Variants in CFAP299 observed in about 807,000 individuals in gnomAD.
CFAP299 encodes cilia- and flagella-associated protein 299.
CFAP299 carries 21 observed loss-of-function variants against 27.0 expected under a neutral mutation model. That is an observed-to-expected ratio of 0.78 (90% CI 0.55 to 1.12). The LOEUF is 1.12. CFAP299 is among the 50% of genes most tolerant of loss of function. The pLI, the probability that CFAP299 is intolerant of heterozygous loss-of-function variation, is 0.00. For synonymous variants in CFAP299, 104 were observed against 98.1 expected (o/e 1.06, Z -0.36); for missense variants, 310 against 276.6 (o/e 1.12, Z -0.86).
chr4:80,480,483 T>C (rs1002431756), intron 2 of CFAP299, among the ~76,000 whole-genome samples: 1 of 152,022 alleles, frequency 6.6e-6, no homozygotes, highest in East Asian at 1.9e-4. Context: ...TATATAACTA[T>C]GTTAGTTGAC....
At chr4:80,449,350 C>G (rs541753524) in intron 2 of CFAP299, among the ~76,000 whole-genome samples, 1 of 152,028 alleles carries the variant, frequency 6.6e-6, no homozygotes, top group South Asian at 2.1e-4. Context: ...TATTATTAAT[C>G]ACTTATTAGT....
intron 2 of CFAP299, among the ~76,000 whole-genome samples, chr4:80,463,507 T>C (rs993252746): frequency 2.6e-5 from 4 of 152,184 alleles, no homozygotes; most frequent in Admixed American, 2.6e-4. Flanking sequence ...TACTACACAG[T>C]CTGGGTAACT....
rs562548749 is a variant in CFAP299, at chr4:80,590,799, C to A, written c.333+7616C>A. Among the ~76,000 whole-genome samples, 41 of 152,026 alleles carry A rather than the reference C, an allele frequency of 2.7e-4. No individual in the cohort carries two copies. In the East Asian group the frequency reaches 4.8e-3, roughly 18 times the overall value. ...TAGTACACATTGAGGAATAATATAC[C>A]TTAACTTAAGGAAAATGGTTACATT... On this transcript the variant is annotated intron_variant, in intron 3 of 5. Transcript: ENST00000358105.
At chr4:80,860,163 A>G (rs955495400) in intron 3 of CFAP299, among the ~76,000 whole-genome samples, 1 of 151,796 alleles carries the variant, frequency 6.6e-6, no homozygotes, top group East Asian at 1.9e-4. Flanking sequence ...CATTCATTTC[A>G]TCTTCCATCG....
rs906747219 is a variant in CFAP299, at chr4:80,784,465, C to T, written c.334-85528C>T. Among the ~76,000 whole-genome samples, 6 of 152,082 alleles carry T rather than the reference C, an allele frequency of 3.9e-5. No homozygotes were observed. In the East Asian group the frequency reaches 5.8e-4, roughly 15 times the overall value. On this transcript the variant is annotated intron_variant, in intron 3 of 5. Coordinates refer to ENST00000358105, the MANE Select transcript of CFAP299 (RefSeq NM_152770.3). ...ACTAGTGATATTGAATGCCTTTTCACGTACTTCTTGGCCTCTTTCTTTCTT... is the reference window on the plus strand; with the variant it reads ...ACTAGTGATATTGAATGCCTTTTCATGTACTTCTTGGCCTCTTTCTTTCTT...
At chr4:80,699,758 C>T (rs1198595021) in intron 3 of CFAP299, among the ~76,000 whole-genome samples, 2 of 152,110 alleles carry the variant, frequency 1.3e-5, no homozygotes, top group African/African-American at 4.8e-5. Flanking sequence ...CTGCCCTGGA[C>T]ACAACCTAGA....
chr4:80,883,044 A>G (rs1733788379), intron 4 of CFAP299, among the ~76,000 whole-genome samples: 1 of 151,110 alleles, frequency 6.6e-6, no homozygotes, highest in Non-Finnish European at 1.5e-5. Context: ...ATCATGTTCA[A>G]TTCATATAAA....
chr4:80,771,743 C>T (rs929722939), intron 3 of CFAP299, among the ~76,000 whole-genome samples: 1 of 152,110 alleles, frequency 6.6e-6, no homozygotes, highest in Non-Finnish European at 1.5e-5. Context: ...CCTCCAGCCC[C>T]CTTCATAATT....
chr4:80,403,590 A>G (rs1372185549), intron 2 of CFAP299, among the ~76,000 whole-genome samples: 1 of 152,100 alleles, frequency 6.6e-6, no homozygotes, highest in East Asian at 1.9e-4. Context: ...CCTTCTTGTC[A>G]TTCTGATTTT....
At chr4:80,886,661 A>G (rs1294082340) in intron 4 of CFAP299, among the ~76,000 whole-genome samples, 1 of 152,106 alleles carries the variant, frequency 6.6e-6, no homozygotes, top group Non-Finnish European at 1.5e-5. Context: ...TAACTCATCA[A>G]TGCCAAGGCA....
intron 3 of CFAP299, among the ~76,000 whole-genome samples, chr4:80,798,790 A>C (rs1439834618): frequency 6.6e-6 from 1 of 152,038 alleles, no homozygotes; most frequent in Non-Finnish European, 1.5e-5. Context: ...CACATAATCA[A>C]ACGTTTTATG....
rs774131595 is a variant in CFAP299, at chr4:80,335,919, C to T, written c.111+40C>T. 24 of 1,254,800 alleles carry T rather than the reference C, an allele frequency of 1.9e-5. No homozygotes were observed. The Admixed American group carries it at 3.2e-4, about 17-fold the overall frequency. 77.7% of individuals were successfully genotyped at this position (1,254,800 alleles called of 1,614,324 possible). A position where few individuals can be genotyped will look rare whatever the true frequency, so the allele number is the denominator to read the frequency against. On this transcript the variant is annotated intron_variant, in intron 1 of 5. Coordinates refer to ENST00000358105, the MANE Select transcript of CFAP299 (RefSeq NM_152770.3). Reference sequence around the variant, plus strand: ...CGGCAGAGTAGCCGCCGCCGCGCGTCCCTCGGTCCCTCCTCGAGTTCCCGC... The same window carrying T: ...CGGCAGAGTAGCCGCCGCCGCGCGTTCCTCGGTCCCTCCTCGAGTTCCCGC...
intron 3 of CFAP299, among the ~76,000 whole-genome samples, chr4:80,715,396 A>G (rs1722420053): frequency 6.6e-6 from 1 of 152,054 alleles, no homozygotes; most frequent in East Asian, 1.9e-4. Flanking sequence ...GCTTAGGTCT[A>G]TTTGCTGCTG....
At chr4:80,601,700 A>G (rs1307209537) in intron 3 of CFAP299, among the ~76,000 whole-genome samples, 1 of 152,148 alleles carries the variant, frequency 6.6e-6, no homozygotes, top group Non-Finnish European at 1.5e-5. Flanking sequence ...ACTCATGGCT[A>G]TTGCTTGATC....
the CFAP299 span, among the ~76,000 whole-genome samples, chr4:80,323,972 C>T: frequency 6.6e-6 from 1 of 152,056 alleles, no homozygotes; most frequent in African/African-American, 2.4e-5. Context: ...AACTATACTC[C>T]TTTTTTTAAA....
chr4:80,444,226 T>C (rs1336123111), intron 2 of CFAP299, among the ~76,000 whole-genome samples: 1 of 152,104 alleles, frequency 6.6e-6, no homozygotes, highest in African/African-American at 2.4e-5. Context: ...GCCAAGACAA[T>C]GCTAAGCAAA....
At chr4:80,344,938 A>G (rs1196892221) in intron 1 of CFAP299, among the ~76,000 whole-genome samples, 1 of 152,348 alleles carries the variant, frequency 6.6e-6, no homozygotes, top group East Asian at 1.9e-4. Flanking sequence ...ATAAAATTCA[A>G]CATCCCTTTA....
At chr4:80,593,498 C>A (rs1369927044) in intron 3 of CFAP299, among the ~76,000 whole-genome samples, 1 of 152,124 alleles carries the variant, frequency 6.6e-6, no homozygotes, top group African/African-American at 2.4e-5. Flanking sequence ...TATAACTTGT[C>A]AAATCTATGG....
intron 3 of CFAP299, among the ~76,000 whole-genome samples, chr4:80,812,838 T>C (rs1451965976): frequency 6.6e-6 from 1 of 152,128 alleles, no homozygotes; most frequent in African/African-American, 2.4e-5. Flanking sequence ...GATTTCTATA[T>C]TACTTATTAC....
Sources: gnomAD v4.1 joint callset for allele counts (sites outside exome capture counted in the v4.1 genomes callset) on GRCh38, gnomAD v4.1.1 for gene constraint, MANE v1.5 for transcripts, NCBI Gene and HGNC (gene_info 2026-07-23, HGNC 2026-07-21) for gene names.